The following ASB15 variants were observed in gnomAD, a reference collection of about 807,000 sequenced individuals.
ASB15 encodes the protein ankyrin repeat and SOCS box containing 15.
ASB15 carries 54 observed loss-of-function variants against 58.0 expected under a neutral mutation model. The observed-to-expected ratio is 0.93, with a 90% CI of 0.75 to 1.17. The LOEUF is 1.17. ASB15 is among the 50% of genes most tolerant of loss of function. ASB15 has a pLI of 0.00. For synonymous variants in ASB15, 249 were observed against 262.4 expected (o/e 0.95, Z 0.50); for missense variants, 680 against 707.4 (o/e 0.96, Z 0.44).
At chr7:123,606,050 T>C (rs1018273796) in intron 2 of ASB15, among the ~76,000 whole-genome samples, 30 of 152,322 alleles carry the variant, frequency 2.0e-4, no homozygotes, top group African/African-American at 6.5e-4. Flanking sequence ...ATTGTTACTA[T>C]AGGTAATCAA....
chr7:123,617,850 G>A lies in ASB15; in HGVS notation c.451+113G>A. 4 of 1,066,364 alleles carry A rather than the reference G, an allele frequency of 3.8e-6. No homozygotes were observed. In the South Asian group the frequency reaches 6.9e-5, roughly 18 times the overall value. 66.1% of individuals were successfully genotyped at this position (1,066,364 alleles called of 1,614,324 possible). On this transcript the variant is annotated intron_variant, in intron 7 of 11. Transcript: ENST00000451215. ...GATCTCAGTTCCTTCCATTCCCTGA[G>A]CTACTTGCCTAACCCCCATGTCTTC...
At chr7:123,630,667 T>C in intron 11 of ASB15, among the ~76,000 whole-genome samples, 1 of 152,158 alleles carries the variant, frequency 6.6e-6, no homozygotes, top group African/African-American at 2.4e-5. Flanking sequence ...CAAGTTTCAA[T>C]GAAAGTACAT....
In ASB15 at chr7:123,589,240, C is replaced by A. The variant is rs548547206; in HGVS notation, c.-442-14792C>A. Among the ~76,000 whole-genome samples the A allele has an allele frequency of 2.3e-3, 343 of 151,580 alleles. 1 individual carries two copies. The highest frequency in any genetic ancestry group is 7.8e-3 in the African/African-American group (325 of 41,412). On this transcript the variant is annotated intron_variant, in intron 1 of 13. Coordinates refer to the ASB15 transcript ENST00000451558. ...CTGATGTTGGGTGCACATATAATTA[C>A]AATTGTTATTTTCTCTTGATAAATT... is the stretch of plus-strand genomic sequence containing the variant.
intron 1 of ASB15, among the ~76,000 whole-genome samples, chr7:123,591,072 G>A (rs1218057140): frequency 6.6e-6 from 1 of 152,156 alleles, no homozygotes; most frequent in African/African-American, 2.4e-5. Context: ...TTGTAAATGG[G>A]AGTTCACTCA....
intron 2 of ASB15, among the ~76,000 whole-genome samples, chr7:123,605,209 G>A (rs1486307142): frequency 6.6e-6 from 1 of 152,138 alleles, no homozygotes; most frequent in Non-Finnish European, 1.5e-5. Flanking sequence ...GAATATTTAT[G>A]TGTATATGCA....
At chr7:123,569,455 G>A (rs1187823126) in intron 1 of ASB15, among the ~76,000 whole-genome samples, 1 of 152,180 alleles carries the variant, frequency 6.6e-6, no homozygotes, top group Admixed American at 6.5e-5. Flanking sequence ...GGTGTGGGTG[G>A]TGGTGTGTGA....
intron 3 of ASB15, among the ~76,000 whole-genome samples, chr7:123,609,412 TAAAG>T (rs1800320606): frequency 6.6e-6 from 1 of 152,136 alleles, no homozygotes; most frequent in Non-Finnish European, 1.5e-5. Context: ...CAATAAGCCC[TAAAG>T]GACAGAATCT....
intron 1 of ASB15, among the ~76,000 whole-genome samples, chr7:123,574,084 T>C (rs1022661377): frequency 6.6e-6 from 1 of 152,216 alleles, no homozygotes; most frequent in African/African-American, 2.4e-5. Flanking sequence ...CACATGATTG[T>C]TAGCCTGTTA....
intron 1 of ASB15, among the ~76,000 whole-genome samples, chr7:123,602,503 A>T (rs1799934876): frequency 1.3e-5 from 2 of 152,146 alleles, no homozygotes; most frequent in African/African-American, 4.8e-5. Context: ...TGCACAGTTA[A>T]CTTCTAAGGA....
chr7:123,612,582 A>G (rs1041746539), intron 3 of ASB15, among the ~76,000 whole-genome samples: 1 of 152,130 alleles, frequency 6.6e-6, no homozygotes, highest in Non-Finnish European at 1.5e-5. Context: ...CGAGCCATGG[A>G]TGGGGATCAG....
chr7:123,589,952 C>T (rs990038465), intron 1 of ASB15, among the ~76,000 whole-genome samples: 2 of 152,140 alleles, frequency 1.3e-5, no homozygotes, highest in African/African-American at 4.8e-5. Context: ...TAAAAGCGTT[C>T]CTATTTCTCC....
chr7:123,582,071 T>C (rs902564220), intron 1 of ASB15, among the ~76,000 whole-genome samples: 1 of 151,990 alleles, frequency 6.6e-6, no homozygotes, highest in Non-Finnish European at 1.5e-5. Context: ...TATATTGTAA[T>C]GGTAAAATAT....
In ASB15 at chr7:123,637,013, T is replaced by C; in HGVS notation, c.*32T>C. On this transcript the variant is annotated 3_prime_UTR_variant, in exon 12 of 12. Transcript: ENST00000451215. ...ATTTTAAAATGTGATTTAAAAAAAATGTTGAAATGTGATTCCCTCAGATAA... is the reference window on the plus strand; with the variant it reads ...ATTTTAAAATGTGATTTAAAAAAAACGTTGAAATGTGATTCCCTCAGATAA... 1 of 1,390,782 alleles carries C rather than the reference T, an allele frequency of 7.2e-7. No homozygotes were observed. Among genetic ancestry groups the C allele is most frequent in the Non-Finnish European group, 9.9e-7 (1 of 1,005,148 alleles). The allele number at this position is 1,390,782 out of a possible 1,614,324, so 86.2% of individuals were successfully genotyped here. A position where few individuals can be genotyped will look rare whatever the true frequency, so the allele number is the denominator to read the frequency against.
chr7:123,594,383 CT>C (rs986531190), intron 1 of ASB15, among the ~76,000 whole-genome samples: 1 of 152,110 alleles, frequency 6.6e-6, no homozygotes, highest in African/African-American at 2.4e-5. Context: ...AATTTTCAGC[CT>C]TTCTGCTCTG....
chr7:123,620,923 G>A (rs1433530164), intron 7 of ASB15, among the ~76,000 whole-genome samples: 1 of 151,916 alleles, frequency 6.6e-6, no homozygotes, highest in Non-Finnish European at 1.5e-5. Context: ...AGCAACACCT[G>A]TGTTGTTTCT....
At chr7:123,623,918 GGAA>G (rs1801527388) in intron 7 of ASB15, among the ~76,000 whole-genome samples, 1 of 73,276 alleles carries the variant, frequency 1.4e-5, no homozygotes, top group Non-Finnish European at 2.7e-5. Flanking sequence ...AAGGAAGGAA[GGAA>G]GAAAGAAAGA....
rs146945512 is a variant in ASB15, at chr7:123,634,256, G to A, written c.1595-2553G>A. On this transcript the variant is annotated intron_variant, in intron 11 of 11. Coordinates refer to ENST00000451215, the MANE Select transcript of ASB15 (RefSeq NM_001290258.2). ...GTGCTGTTCCCCTCCATGTGTCTGT[G>A]TGTTCTCATCATTCAGCTCCCACTT... Among the ~76,000 whole-genome samples, 716 of 151,668 alleles carry A rather than the reference G, an allele frequency of 4.7e-3. 5 individuals carry two copies. Among genetic ancestry groups the A allele is most frequent in the African/African-American group, 0.017 (690 of 41,328 alleles).
At chr7:123,626,472 CATAAATAA>C (rs550822805) in intron 8 of ASB15, among the ~76,000 whole-genome samples, 6 of 151,870 alleles carry the variant, frequency 4.0e-5, no homozygotes, top group African/African-American at 1.5e-4. Flanking sequence ...ATTCTGTCAA[CATAAATAA>C]ATAAATAAAT....
At chr7:123,588,964 T>C (rs1425411686) in intron 1 of ASB15, among the ~76,000 whole-genome samples, 1 of 151,918 alleles carries the variant, frequency 6.6e-6, no homozygotes, top group East Asian at 1.9e-4. Context: ...TTAAATTTCT[T>C]AAGATTTCTT....
Sources: gnomAD v4.1 joint callset for allele counts (sites outside exome capture counted in the v4.1 genomes callset) on GRCh38, gnomAD v4.1.1 for gene constraint, MANE v1.5 for transcripts, NCBI Gene and HGNC (gene_info 2026-07-23, HGNC 2026-07-21) for gene names.